The following GRM7 variants were observed in gnomAD, a reference collection of about 807,000 sequenced individuals.
GRM7 encodes metabotropic glutamate receptor 7.
GRM7 carries 35 observed loss-of-function variants against 84.5 expected under a neutral mutation model. The ratio of observed to expected loss-of-function variants is 0.41; its 90% CI spans 0.32 to 0.55. The LOEUF (loss-of-function observed/expected upper bound fraction) is 0.55. Among genes scored for constraint, GRM7 ranks in the 20% least tolerant of loss-of-function variants. GRM7 has a pLI of 0.19. For missense variants in GRM7, 1,003 were observed against 1,194.6 expected (o/e 0.84, Z 2.36); for synonymous variants, 487 against 455.1 (o/e 1.07, Z -0.89).
chr3:7,667,109 A>G (rs1699732305), intron 8 of GRM7, among the ~76,000 whole-genome samples: 1 of 152,098 alleles, frequency 6.6e-6, no homozygotes. Context: ...TACAAAAAAC[A>G]AACAAAAAAA....
chr3:7,665,210 G>C (rs1049928568), intron 8 of GRM7, among the ~76,000 whole-genome samples: 6 of 141,598 alleles, frequency 4.2e-5, no homozygotes, highest in Non-Finnish European at 9.1e-5. Flanking sequence ...CTCACTCTGT[G>C]GCCCAGGCGG....
chr3:7,098,496 A>C (rs538284699), intron 1 of GRM7, among the ~76,000 whole-genome samples: 1 of 152,134 alleles, frequency 6.6e-6, no homozygotes, highest in South Asian at 2.1e-4. Flanking sequence ...AGAATCAGAT[A>C]TGAGATTTTT....
intron 4 of GRM7, among the ~76,000 whole-genome samples, chr3:7,348,288 A>T (rs1226600679): frequency 1.3e-5 from 2 of 151,986 alleles, no homozygotes; most frequent in African/African-American, 4.8e-5. Context: ...TTCTCCCACT[A>T]GGTCTGTTGC....
At chr3:6,903,115 T>C (rs1696450614) in intron 1 of GRM7, among the ~76,000 whole-genome samples, 1 of 152,092 alleles carries the variant, frequency 6.6e-6, no homozygotes, top group Non-Finnish European at 1.5e-5. Flanking sequence ...ATTTTGTTTT[T>C]AGGATACTTA....
intron 7 of GRM7, among the ~76,000 whole-genome samples, chr3:7,568,816 C>T (rs555462262): frequency 2.0e-5 from 3 of 152,122 alleles, no homozygotes; most frequent in Non-Finnish European, 4.4e-5. Flanking sequence ...TCTTGCCGGG[C>T]CTTAGCTGCC....
chr3:7,284,308 G>GTGTA (rs777948957), intron 2 of GRM7, among the ~76,000 whole-genome samples: 1 of 128,040 alleles, frequency 7.8e-6, no homozygotes, highest in Non-Finnish European at 1.7e-5. Flanking sequence ...GTGTGTGTGT[G>GTGTA]TGTGTATATA....
chr3:7,002,796 A>G (rs112497177), intron 1 of GRM7, among the ~76,000 whole-genome samples: 17 of 152,220 alleles, frequency 1.1e-4, no homozygotes, highest in Non-Finnish European at 2.5e-4. Flanking sequence ...TCCCATGTTC[A>G]TTTAAGTACT....
chr3:7,031,657 C>G (rs1248016445), intron 1 of GRM7, among the ~76,000 whole-genome samples: 1 of 151,970 alleles, frequency 6.6e-6, no homozygotes, highest in Non-Finnish European at 1.5e-5. Context: ...TGATGTTACT[C>G]CAGATACATT....
intron 4 of GRM7, among the ~76,000 whole-genome samples, chr3:7,320,370 T>A (rs1481583770): frequency 6.6e-6 from 1 of 152,012 alleles, no homozygotes; most frequent in Non-Finnish European, 1.5e-5. Flanking sequence ...ATGCTAAGTA[T>A]GATAAAGAAC....
intron 1 of GRM7, among the ~76,000 whole-genome samples, chr3:6,903,165 A>C (rs1696452795): frequency 6.6e-6 from 1 of 151,494 alleles, no homozygotes. Flanking sequence ...TTACCCTATC[A>C]ACAATGTATA....
chr3:6,866,912 C>G (rs1178451359), intron 1 of GRM7, among the ~76,000 whole-genome samples: 1 of 152,184 alleles, frequency 6.6e-6, no homozygotes, highest in African/African-American at 2.4e-5. Flanking sequence ...TAAATGGGAA[C>G]ACTATCTCCT....
At chr3:7,506,641 C>A (rs1404677792) in intron 7 of GRM7, among the ~76,000 whole-genome samples, 1 of 152,158 alleles carries the variant, frequency 6.6e-6, no homozygotes, top group African/African-American at 2.4e-5. Context: ...GAACACGGTG[C>A]CTGTACCTCA....
chr3:7,729,381 T>TA (rs533254636), intron 9 of GRM7, among the ~76,000 whole-genome samples: 110 of 152,282 alleles, frequency 7.2e-4, no homozygotes, highest in African/African-American at 2.5e-3. Flanking sequence ...ATAACTCCTA[T>TA]ACATATTACT....
chr3:7,130,163 C>T (rs538616260), intron 1 of GRM7, among the ~76,000 whole-genome samples: 12 of 152,232 alleles, frequency 7.9e-5, no homozygotes, highest in African/African-American at 2.9e-4. Flanking sequence ...CTGACTAAAA[C>T]GTCCCTTATA....
At chr3:6,868,001 A>G (rs1694994463) in intron 1 of GRM7, among the ~76,000 whole-genome samples, 1 of 152,234 alleles carries the variant, frequency 6.6e-6, no homozygotes, top group Non-Finnish European at 1.5e-5. Context: ...TATATGTCAC[A>G]TTTTATGCAA....
chr3:7,462,032 C>A (rs1332401909), intron 7 of GRM7, among the ~76,000 whole-genome samples: 1 of 152,066 alleles, frequency 6.6e-6, no homozygotes, highest in Non-Finnish European at 1.5e-5. Flanking sequence ...CTTGGTTAAA[C>A]TTTTTATTTC....
At chr3:7,476,542 C>T (rs1285742789) in intron 7 of GRM7, among the ~76,000 whole-genome samples, 10 of 151,772 alleles carry the variant, frequency 6.6e-5, no homozygotes. Flanking sequence ...CGAGACTCCA[C>T]CTCAAAAAAT....
chr3:7,629,218 GTAATAGA>G (rs1472711455), intron 8 of GRM7, among the ~76,000 whole-genome samples: 1 of 152,158 alleles, frequency 6.6e-6, no homozygotes, highest in East Asian at 1.9e-4. Context: ...AGATTTTACT[GTAATAGA>G]TAGTACTATA....
chr3:6,951,872 T>A (rs1048587981), intron 1 of GRM7, among the ~76,000 whole-genome samples: 2 of 152,216 alleles, frequency 1.3e-5, no homozygotes, highest in Non-Finnish European at 2.9e-5. Flanking sequence ...ATTTTGTAGC[T>A]CTGTTTTTTG....
Sources: allele counts gnomAD v4.1 joint callset (sites outside exome capture counted in the v4.1 genomes callset), GRCh38; gene constraint gnomAD v4.1.1; transcripts MANE v1.5; gene names NCBI Gene and HGNC (gene_info 2026-07-23, HGNC 2026-07-21).